FGF12: variants seen among roughly 807,000 people sequenced by gnomAD.
FGF12 encodes the protein fibroblast growth factor 12B.
In FGF12, 14 loss-of-function variants were observed where a neutral mutation model predicts 23.6. The ratio of observed to expected loss-of-function variants is 0.59; its 90% CI spans 0.39 to 0.93. The LOEUF (loss-of-function observed/expected upper bound fraction) is 0.93. FGF12 is among the 40% of genes least tolerant of loss of function. The probability of loss-of-function intolerance (pLI) is 0.00; values close to 1 mark genes in which losing one functional copy is unlikely to be tolerated. For synonymous variants in FGF12, 62 were observed against 77.3 expected, an observed-to-expected ratio of 0.80 and a Z score of 1.04; for missense variants, 175 against 217.8, an observed-to-expected ratio of 0.80 and a Z score of 1.24.
chr3:192,441,766 A>G (rs898956497), intron 2 of FGF12, among the ~76,000 whole-genome samples: 3 of 152,206 alleles, frequency 2.0e-5, no homozygotes, highest in Non-Finnish European at 4.4e-5. Flanking sequence ...TAAGGCCAGA[A>G]TCTTGTGAGC....
At chr3:192,180,051 GTTAA>G (rs1208652951) in intron 4 of FGF12, among the ~76,000 whole-genome samples, 2 of 152,132 alleles carry the variant, frequency 1.3e-5, no homozygotes, top group Non-Finnish European at 2.9e-5. Flanking sequence ...CCTGTGAGAG[GTTAA>G]TTAAGATTAT....
intron 2 of FGF12, among the ~76,000 whole-genome samples, chr3:192,634,831 T>C (rs1344974114): frequency 6.6e-6 from 1 of 152,152 alleles, no homozygotes; most frequent in Non-Finnish European, 1.5e-5. Flanking sequence ...TAACTGATTT[T>C]AGGTATAAGT....
chr3:192,438,105 C>T (rs963455368), intron 2 of FGF12, among the ~76,000 whole-genome samples: 11 of 152,198 alleles, frequency 7.2e-5, no homozygotes, highest in Non-Finnish European at 1.2e-4. Context: ...TTACCAACCA[C>T]ATAGACACCT....
At chr3:192,561,582 T>TA (rs775824007) in intron 2 of FGF12, among the ~76,000 whole-genome samples, 3 of 152,122 alleles carry the variant, frequency 2.0e-5, no homozygotes, top group South Asian at 2.1e-4. Flanking sequence ...CAGGATAGTC[T>TA]CGATCTCCTG....
Position 192,434,457 on chromosome 3 carries a change from A to G in FGF12, c.14-73919T>C, listed in dbSNP as rs1297625813. 9.2e-5 allele frequency among the ~76,000 whole-genome samples: 14 copies of G among 152,238 alleles called. 1 individual carries two copies. The highest frequency in any genetic ancestry group is 9.2e-4 in the Admixed American group (14 of 15,284). On this transcript the variant is annotated intron_variant, in intron 2 of 5. Coordinates refer to ENST00000445105, the MANE Select transcript of FGF12 (RefSeq NM_004113.6). ...GAATGCTGCCTTCACACTTTTTACCAGTGTGCTACACAGACTGCCATAGGA... is the reference window on the plus strand; with the variant it reads ...GAATGCTGCCTTCACACTTTTTACCGGTGTGCTACACAGACTGCCATAGGA...
In FGF12 at chr3:192,184,528, C is replaced by T. The variant is rs75824295; in HGVS notation, c.229-13872G>A. ...TTAGAGATGGTGAATGGAGAAAATA[C>T]TGTATTTTTCAAAGTAGAATTGCCA... is the stretch of plus-strand genomic sequence containing the variant. On this transcript the variant is annotated intron_variant, in intron 4 of 5. Transcript: ENST00000445105. Among the ~76,000 whole-genome samples, 506 of 152,272 alleles carry T rather than the reference C, an allele frequency of 3.3e-3. 8 individuals carry two copies. The highest frequency in any genetic ancestry group is 0.031 in the East Asian group (163 of 5,184).
At chr3:192,503,037 G>A (rs992458907) in intron 2 of FGF12, among the ~76,000 whole-genome samples, 15 of 152,196 alleles carry the variant, frequency 9.9e-5, no homozygotes, top group Admixed American at 3.3e-4. Flanking sequence ...AAGTTCTTGC[G>A]CCTCAGCGGT....
chr3:192,193,761 GTCT>G (rs1427221289), intron 4 of FGF12, among the ~76,000 whole-genome samples: 1 of 151,604 alleles, frequency 6.6e-6, no homozygotes, highest in Non-Finnish European at 1.5e-5. Flanking sequence ...AGCAGCCACT[GTCT>G]TCTTTTTTTT....
intron 2 of FGF12, among the ~76,000 whole-genome samples, chr3:192,472,990 G>A (rs1723215109): frequency 6.6e-6 from 1 of 152,078 alleles, no homozygotes; most frequent in African/African-American, 2.4e-5. Context: ...TTCATGGCAG[G>A]CTCCAGAAAG....
intron 2 of FGF12, among the ~76,000 whole-genome samples, chr3:192,658,345 T>C (rs573719869): frequency 3.3e-5 from 5 of 152,338 alleles, no homozygotes; most frequent in African/African-American, 1.2e-4. Context: ...CTTCTGTAGC[T>C]CATCACTTGC....
intron 2 of FGF12, among the ~76,000 whole-genome samples, chr3:192,530,691 T>G (rs1011252347): frequency 3.9e-5 from 6 of 152,088 alleles, no homozygotes; most frequent in Admixed American, 3.9e-4. Flanking sequence ...GGGCATGGAG[T>G]TTTTTTCTGA....
intron 2 of FGF12, among the ~76,000 whole-genome samples, chr3:192,520,277 C>T (rs955834746): frequency 2.0e-5 from 3 of 152,144 alleles, no homozygotes; most frequent in African/African-American, 7.2e-5. Context: ...TAAGTCAATA[C>T]CACCAGGTTC....
At chr3:192,396,181 A>T (rs1253535580) in intron 2 of FGF12, among the ~76,000 whole-genome samples, 1 of 152,238 alleles carries the variant, frequency 6.6e-6, no homozygotes, top group Non-Finnish European at 1.5e-5. Flanking sequence ...AAACAGTCCA[A>T]AATAATACAG....
At chr3:192,158,330 T>C (rs78754900) in intron 5 of FGF12, among the ~76,000 whole-genome samples, 9,447 of 77,650 alleles carry the variant, frequency 0.12, 427 homozygotes, top group East Asian at 0.21. Context: ...CTTTCTTTCT[T>C]TCTCTTTCTT....
intron 2 of FGF12, among the ~76,000 whole-genome samples, chr3:192,448,589 T>C (rs1177073927): frequency 1.3e-5 from 2 of 152,208 alleles, no homozygotes; most frequent in African/African-American, 4.8e-5. Context: ...TGAGTGATAC[T>C]ATGCTTCAAT....
At chr3:192,347,279 A>C (rs938970693) in intron 3 of FGF12, among the ~76,000 whole-genome samples, 1 of 152,178 alleles carries the variant, frequency 6.6e-6, no homozygotes, top group African/African-American at 2.4e-5. Context: ...TGCTGCTCAA[A>C]GTGTGAACAG....
chr3:192,695,719 G>A lies in FGF12; in HGVS notation c.13+31462C>T, dbSNP rs192861342. Among the ~76,000 whole-genome samples the A allele has an allele frequency of 2.0e-5, 3 of 152,182 alleles. No homozygotes were observed. The East Asian group carries it at 5.8e-4, about 29-fold the overall frequency. Reference sequence around the variant, plus strand: ...TCAAAGTATGATTCCTATGGATGAGGGGTTGTTTACCCAGCAGACTAAGTT... The same window carrying A: ...TCAAAGTATGATTCCTATGGATGAGAGGTTGTTTACCCAGCAGACTAAGTT... On this transcript the variant is annotated intron_variant, in intron 2 of 5. Transcript: ENST00000445105.
chr3:192,724,825 T>C (rs1719157797), intron 2 of FGF12, among the ~76,000 whole-genome samples: 1 of 152,178 alleles, frequency 6.6e-6, no homozygotes, highest in Admixed American at 6.5e-5. Context: ...CTAGAGGTAA[T>C]GTGAAAGTTG....
intron 2 of FGF12, among the ~76,000 whole-genome samples, chr3:192,494,047 C>CAAATGGCA (rs1723879106): frequency 6.6e-6 from 1 of 152,168 alleles, no homozygotes; most frequent in Admixed American, 6.5e-5. Flanking sequence ...CTTCAGAAAT[C>CAAATGGCA]AAATGGCAAG....
Sources: gnomAD v4.1 joint callset for allele counts (sites outside exome capture counted in the v4.1 genomes callset) on GRCh38, gnomAD v4.1.1 for gene constraint, MANE v1.5 for transcripts, NCBI Gene and HGNC (gene_info 2026-07-23, HGNC 2026-07-21) for gene names.